The following LAMA3 variants were observed in gnomAD, a reference collection of about 807,000 sequenced individuals.
LAMA3 encodes the protein laminin subunit alpha 3, also known as laminin subunit alpha-3.
LAMA3 carries 281 observed loss-of-function variants against 402.0 expected under a neutral mutation model. The ratio of observed to expected loss-of-function variants is 0.70; its 90% CI spans 0.63 to 0.77. The LOEUF (loss-of-function observed/expected upper bound fraction) is 0.77. Among genes scored for constraint, LAMA3 ranks in the 30% least tolerant of loss-of-function variants. The pLI is 0.00. For synonymous variants in LAMA3, 1,431 were observed against 1,558.4 expected, an observed-to-expected ratio of 0.92 and a Z score of 1.93; for missense variants, 3,840 against 4,215.5, an observed-to-expected ratio of 0.91 and a Z score of 2.47.
rs909209609 is a variant in LAMA3, at chr18:23,839,153, C to T, written c.3191+275C>T. ...AACGCTGAGTTCTATTCTGAGCCCT[C>T]GAAAAGACTCGTTTTGTTCCAATCT... On this transcript the variant is annotated intron_variant, in intron 26 of 74. Transcript: ENST00000313654. This position sits in a 1 kb window ranked among gnomAD's most constrained non-coding sequence, Gnocchi z 4.5. 2.0e-5 allele frequency among the ~76,000 whole-genome samples: 3 copies of T among 152,310 alleles called. No individual in the cohort carries two copies. Among genetic ancestry groups the T allele is most frequent in the South Asian group, 4.1e-4 (2 of 4,828 alleles).
At chr18:23,949,960 T>A in intron 71 of LAMA3, 36 bp downstream of exon 71, 1 of 1,614,116 alleles carries the variant, frequency 6.2e-7, no homozygotes, top group African/African-American at 1.3e-5. Flanking sequence ...AGTCTTTGCA[T>A]CTTAAGAACT....
chr18:23,927,592 C>CCA (rs1568354667), intron 62 of LAMA3, among the ~76,000 whole-genome samples: 1 of 152,090 alleles, frequency 6.6e-6, no homozygotes, highest in Non-Finnish European at 1.5e-5. Context: ...AATCAAGCTA[C>CCA]GTTTTTCATA....
rs140821513 is a variant in LAMA3 at position 23,937,341 on chromosome 18, G to A, written c.8863-1882G>A. Among the ~76,000 whole-genome samples the A allele has an allele frequency of 9.0e-3, 1,285 of 143,142 alleles. 10 individuals carry two copies. Among genetic ancestry groups the A allele is most frequent in the Middle Eastern group, 0.072 (20 of 278 alleles). The allele number at this position is 143,142 out of a possible 152,430, so 93.9% of individuals were successfully genotyped here. On this transcript the variant is annotated intron_variant, in intron 67 of 74. Transcript: ENST00000313654. ...AGATCGCGCCACTGCACTGCAGCCC[G>A]GGCAACAGAGTGAGACTCCTTCTCA...
chr18:23,857,881 T>C lies in LAMA3; in HGVS notation c.4174T>C (p.Cys1392Arg). The C allele has an allele frequency of 6.2e-7, 1 of 1,614,242 alleles. No individual in the cohort carries two copies. Among genetic ancestry groups the C allele is most frequent in the Non-Finnish European group, 8.5e-7 (1 of 1,180,040 alleles). Reference protein sequence around the residue: ...PRITGRQCDRCASGFYRFPEC... With the variant: ...PRITGRQCDRRASGFYRFPEC... The stretch of plus-strand genomic sequence containing the variant: ...AATCACAGGGCGGCAGTGTGACCGA[T>C]GTGCTTCCGGGTTTTACCGCTTTCC... Residue 1392 changes from cysteine (C) to arginine (R), a missense_variant, in exon 33 of 75, where the codon TGT (cysteine) becomes CGT (arginine). By Grantham distance (180) the Cys-to-Arg change is radical. This residue lies in a region of LAMA3 where 2,109 missense variants were observed against 2,376.0 expected (regional missense o/e 0.89). Coordinates refer to ENST00000313654, the MANE Select transcript of LAMA3 (RefSeq NM_198129.4).
At chr18:23,740,375 G>A (rs886649142) in intron 2 of LAMA3, among the ~76,000 whole-genome samples, 6 of 151,888 alleles carry the variant, frequency 4.0e-5, no homozygotes, top group Non-Finnish European at 7.4e-5. Flanking sequence ...AAATCTATGT[G>A]TCATGCCTAA....
intron 41 of LAMA3, among the ~76,000 whole-genome samples, chr18:23,888,326 C>T (rs531302052): frequency 2.1e-4 from 32 of 152,300 alleles, no homozygotes; most frequent in Admixed American, 3.3e-4. Flanking sequence ...TGTCTTATTA[C>T]GATAGCTACC....
At position 23,824,532 on chromosome 18, in the gene LAMA3, G is replaced by A; in HGVS notation, c.2538G>A (p.Trp846Ter). 1 of 1,614,038 alleles carries A rather than the reference G, an allele frequency of 6.2e-7. No homozygotes were observed. Among genetic ancestry groups the A allele is most frequent in the East Asian group, 2.2e-5 (1 of 44,874 alleles). ...ADPFSITPGI[W>*]VACIKAEGVL... ...CATTTTCAATCACACCAGGAATATG[G>A]GTTGCTTGTATTAAGGCAGAAGGAG... The change falls in exon 21 of 75, where the codon TGG becomes TGA. Residue 846 changes from tryptophan to a stop codon, truncating the protein, a stop_gained. Transcript: ENST00000313654. LOFTEE classifies it high-confidence loss of function.
chr18:23,811,746 G>A lies in LAMA3; in HGVS notation c.1741+1243G>A, dbSNP rs932686494. ...CATCAGAAAAGAAAGAGAGGGCAGGGTGGCTCATGCTTGTAATCCCAGCAC... is the reference window on the plus strand; with the variant it reads ...CATCAGAAAAGAAAGAGAGGGCAGGATGGCTCATGCTTGTAATCCCAGCAC... On this transcript the variant is annotated intron_variant, in intron 13 of 74. Coordinates refer to ENST00000313654, the MANE Select transcript of LAMA3 (RefSeq NM_198129.4). Among the ~76,000 whole-genome samples, 4 of 152,268 alleles carry A rather than the reference G, an allele frequency of 2.6e-5. No homozygotes were observed. The East Asian group carries it at 7.7e-4, about 29-fold the overall frequency.
chr18:23,690,231 T>A (rs1324565979), intron 1 of LAMA3, among the ~76,000 whole-genome samples: 1 of 152,180 alleles, frequency 6.6e-6, no homozygotes, highest in East Asian at 1.9e-4. Context: ...AGGTTCGGGC[T>A]GGTGGAGGGG....
At chr18:23,776,626 A>G (rs1165816781) in intron 10 of LAMA3, among the ~76,000 whole-genome samples, 4 of 152,164 alleles carry the variant, frequency 2.6e-5, no homozygotes, top group Admixed American at 2.0e-4. Context: ...CTGCAGAGCC[A>G]TCATAGGAAA....
At chr18:23,912,249 T>C (rs2081456640) in intron 55 of LAMA3, among the ~76,000 whole-genome samples, 1 of 151,102 alleles carries the variant, frequency 6.6e-6, no homozygotes, top group Admixed American at 6.6e-5. Flanking sequence ...TCCTCCCACC[T>C]CAGCCTCCCA....
chr18:23,858,621 A>G, intron 33 of LAMA3, 68 bp from the exon 34 acceptor site: 1 of 1,416,028 alleles, frequency 7.1e-7, no homozygotes, highest in South Asian at 1.2e-5. Flanking sequence ...TAATTTGTGC[A>G]AGTAGCTAAT....
At chr18:23,820,053 A>G in intron 19 of LAMA3, 56 bp downstream of exon 19, 1 of 1,580,898 alleles carries the variant, frequency 6.3e-7, no homozygotes, top group Non-Finnish European at 8.7e-7. Flanking sequence ...ACTTCCCCAC[A>G]CCAGTCTCAG....
chr18:23,730,368 C>CTTTTTTTTTT (rs11362144), intron 2 of LAMA3, among the ~76,000 whole-genome samples: 10 of 118,646 alleles, frequency 8.4e-5, no homozygotes, highest in East Asian at 2.2e-4. Context: ...CTTTTTCTTT[C>CTTTTTTTTTT]TTTTTTTTTT....
chr18:23,814,340 C>A, intron 14 of LAMA3, 63 bp from the exon 15 acceptor site: 2 of 1,222,772 alleles, frequency 1.6e-6, no homozygotes, highest in Non-Finnish European at 2.4e-6. Flanking sequence ...TTTGCTCACG[C>A]ACAGGTTTGA....
At chr18:23,908,865 G>A (rs2081343010) in intron 54 of LAMA3, among the ~76,000 whole-genome samples, 1 of 152,212 alleles carries the variant, frequency 6.6e-6, no homozygotes, top group Non-Finnish European at 1.5e-5. Context: ...GACCATATGA[G>A]ATTTCGTCAT....
chr18:23,778,935 G>A (rs1291283875), intron 11 of LAMA3, among the ~76,000 whole-genome samples: 1 of 152,224 alleles, frequency 6.6e-6, no homozygotes, highest in Non-Finnish European at 1.5e-5. Flanking sequence ...AAGACAGAGA[G>A]GAGGTTAGGG....
At chr18:23,748,822 A>G (rs998685638) in intron 3 of LAMA3, among the ~76,000 whole-genome samples, 1 of 151,624 alleles carries the variant, frequency 6.6e-6, no homozygotes, top group African/African-American at 2.4e-5. Context: ...GAATATCCCC[A>G]TTTTTCAAGC....
At chr18:23,706,345 A>G (rs2060888653) in intron 1 of LAMA3, among the ~76,000 whole-genome samples, 2 of 152,184 alleles carry the variant, frequency 1.3e-5, no homozygotes, top group Admixed American at 6.5e-5. Flanking sequence ...TGAGTTTGAG[A>G]GTAGAATGCC....
Sources: allele counts gnomAD v4.1 joint callset (sites outside exome capture counted in the v4.1 genomes callset), GRCh38; gene constraint gnomAD v4.1.1; regional missense constraint gnomAD v4.1.1; non-coding constraint Gnocchi (gnomAD v3.1); transcripts MANE v1.5; gene names NCBI Gene and HGNC (gene_info 2026-07-23, HGNC 2026-07-21).